The following EPC2 variants were observed in gnomAD, a reference collection of about 807,000 sequenced individuals.
The protein encoded by EPC2 is enhancer of polycomb homolog 2.
A neutral mutation model predicts 92.1 loss-of-function variants in EPC2; 14 were observed. The ratio of observed to expected loss-of-function variants is 0.15; its 90% CI spans 0.10 to 0.24. EPC2 has a LOEUF of 0.24. Ranked by LOEUF, EPC2 falls within the 10% of genes least tolerant of loss-of-function variation. The pLI, the probability that EPC2 is intolerant of heterozygous loss-of-function variation, is 1.00. For synonymous variants in EPC2, 340 were observed against 334.7 expected (o/e 1.02, Z -0.17); for missense variants, 755 against 971.5 (o/e 0.78, Z 2.96).
In EPC2 at chr2:148,771,060, A is replaced by T. The variant is rs751048807; in HGVS notation, c.1393A>T (p.Ile465Leu). The T allele has an allele frequency of 7.5e-6, 12 of 1,606,174 alleles. No individual in the cohort carries two copies. In the Admixed American group the frequency reaches 1.0e-4, roughly 14 times the overall value. ...GRGGRVIMDR[I>L]STEHDPVLKQ... ...GCTTTTCAGGGTCATAATGGACCGA[A>T]TATCCACAGAACATGACCCAGTCCT... is the stretch of plus-strand genomic sequence containing the variant. Residue 465 changes from isoleucine (I) to leucine (L), a missense_variant, in exon 10 of 14, where the codon ATA becomes TTA. Physicochemically the swap from Ile to Leu is conservative, Grantham distance 5 (BLOSUM62 2). Around this residue, in one of 4 missense-constraint regions of EPC2, gnomAD observed 509 missense variants for 607.7 expected, o/e 0.84. Transcript: ENST00000258484.
chr2:148,679,201 C>A (rs1484247871), intron 1 of EPC2, among the ~76,000 whole-genome samples: 1 of 152,104 alleles, frequency 6.6e-6, no homozygotes, highest in Non-Finnish European at 1.5e-5. Context: ...TTCTTATTTA[C>A]CCATATCTGT....
chr2:148,725,946 A>C (rs755994494), intron 2 of EPC2, among the ~76,000 whole-genome samples: 4 of 152,178 alleles, frequency 2.6e-5, no homozygotes, highest in Non-Finnish European at 5.9e-5. Context: ...TAAACTATGT[A>C]TACCCATTGA....
rs903574517 is a variant in EPC2 at position 148,711,051 on chromosome 2, G to T, written c.313+20678G>T. On this transcript the variant is annotated intron_variant, in intron 2 of 13. Coordinates refer to ENST00000258484, the MANE Select transcript of EPC2 (RefSeq NM_015630.4). ...GATCTTTTTAAATAATCAGCTTTTG[G>T]TGTTATTGTTTTTTTCTATTGATTT... 3.4e-4 allele frequency among the ~76,000 whole-genome samples: 51 copies of T among 151,720 alleles called. 1 individual carries two copies. The highest frequency in any genetic ancestry group is 6.2e-4 in the Non-Finnish European group (42 of 67,922).
chr2:148,661,083 T>C (rs1170275131), intron 1 of EPC2, among the ~76,000 whole-genome samples: 1 of 152,140 alleles, frequency 6.6e-6, no homozygotes, highest in Non-Finnish European at 1.5e-5. Context: ...TTTATCATTG[T>C]TTTGTCTAAC....
intron 2 of EPC2, among the ~76,000 whole-genome samples, chr2:148,690,687 C>G (rs1433057963): frequency 4.0e-5 from 6 of 150,884 alleles, no homozygotes; most frequent in African/African-American, 1.5e-4. Flanking sequence ...TTCTTTGAGA[C>G]AGAGTCTCTC....
chr2:148,745,214 C>A (rs1682962645), intron 3 of EPC2, among the ~76,000 whole-genome samples: 1 of 151,964 alleles, frequency 6.6e-6, no homozygotes, highest in Non-Finnish European at 1.5e-5. Flanking sequence ...GGTAAAGTTT[C>A]AGTTTTTCTT....
rs559949986 is a variant in EPC2 at position 148,735,851 on chromosome 2, T to TA, written c.314-7770dup. Among the ~76,000 whole-genome samples the TA allele has an allele frequency of 5.7e-3, 860 of 152,066 alleles. 14 individuals are homozygous for TA. Among genetic ancestry groups the TA allele is most frequent in the South Asian group, 0.051 (247 of 4,828 alleles). On this transcript the variant is annotated intron_variant, in intron 2 of 13. Coordinates refer to ENST00000258484, the MANE Select transcript of EPC2 (RefSeq NM_015630.4). ...GTCTTATAAGTGATCTCATTTATCT[T>TA]ACTTTTTTTTAACAGCTGATACTTT... is the stretch of plus-strand genomic sequence containing the variant.
intron 2 of EPC2, among the ~76,000 whole-genome samples, chr2:148,704,801 A>T (rs1233525598): frequency 6.6e-6 from 1 of 152,258 alleles, no homozygotes; most frequent in East Asian, 1.9e-4. Context: ...AGCTTTGCAT[A>T]TTGTGGCCAC....
At chr2:148,694,115 G>T (rs762281672) in intron 2 of EPC2, among the ~76,000 whole-genome samples, 4 of 152,114 alleles carry the variant, frequency 2.6e-5, no homozygotes, top group Admixed American at 6.5e-5. Flanking sequence ...TGGCATTTTC[G>T]AGCCATCAGT....
intron 2 of EPC2, among the ~76,000 whole-genome samples, chr2:148,707,658 A>G (rs1346630107): frequency 6.6e-6 from 1 of 152,232 alleles, no homozygotes; most frequent in Non-Finnish European, 1.5e-5. Flanking sequence ...CTCTCACACC[A>G]CAGTGCAATC....
intron 2 of EPC2, among the ~76,000 whole-genome samples, chr2:148,714,867 C>A (rs1224034510): frequency 6.6e-6 from 1 of 152,104 alleles, no homozygotes; most frequent in East Asian, 1.9e-4. Flanking sequence ...TGTCTGTTTA[C>A]TCTGATGAGA....
At chr2:148,725,906 G>T (rs940899593) in intron 2 of EPC2, among the ~76,000 whole-genome samples, 1 of 151,930 alleles carries the variant, frequency 6.6e-6, no homozygotes, top group African/African-American at 2.4e-5. Context: ...TGTACAACAG[G>T]TCTCTAAAAC....
At chr2:148,782,113 C>T (rs986154805) in intron 11 of EPC2, among the ~76,000 whole-genome samples, 4 of 152,140 alleles carry the variant, frequency 2.6e-5, no homozygotes, top group African/African-American at 9.7e-5. Flanking sequence ...ATAAAACTTT[C>T]CTAACCACTT....
chr2:148,785,260 A>G (rs535970048), intron 13 of EPC2, among the ~76,000 whole-genome samples: 2 of 152,226 alleles, frequency 1.3e-5, no homozygotes, highest in East Asian at 3.9e-4. Context: ...AAGGAAAAGA[A>G]AGAAAAGGAC....
intron 2 of EPC2, among the ~76,000 whole-genome samples, chr2:148,724,042 A>G (rs1302128700): frequency 6.6e-6 from 1 of 152,014 alleles, no homozygotes. Context: ...AATAACTTAG[A>G]TGTTATTTTG....
At chr2:148,762,533 A>G (rs1489428539) in intron 5 of EPC2, 137 bp from the exon 6 acceptor site, 1 of 665,622 alleles carries the variant, frequency 1.5e-6, no homozygotes, top group Non-Finnish European at 2.3e-6. Context: ...TATTCCTGCA[A>G]ATTTTATCTT....
At chr2:148,658,234 C>CA (rs2105353392) in intron 1 of EPC2, among the ~76,000 whole-genome samples, 1 of 152,204 alleles carries the variant, frequency 6.6e-6, no homozygotes, top group African/African-American at 2.4e-5. Flanking sequence ...GCTTATGTTA[C>CA]ACATGTATTT....
chr2:148,715,872 A>G (rs1268620631), intron 2 of EPC2, among the ~76,000 whole-genome samples: 4 of 152,228 alleles, frequency 2.6e-5, no homozygotes, highest in Admixed American at 6.5e-5. Flanking sequence ...ATGTTTTTCC[A>G]TTTATTTGTG....
At chr2:148,766,459 C>T (rs1490232265) in intron 7 of EPC2, among the ~76,000 whole-genome samples, 1 of 152,112 alleles carries the variant, frequency 6.6e-6, no homozygotes, top group Non-Finnish European at 1.5e-5. Flanking sequence ...TTCAGGAGCA[C>T]TTAATGAACC....
Sources: gnomAD v4.1 joint callset for allele counts (sites outside exome capture counted in the v4.1 genomes callset) on GRCh38, gnomAD v4.1.1 for gene constraint, gnomAD v4.1.1 regional missense constraint, MANE v1.5 for transcripts, NCBI Gene and HGNC (gene_info 2026-07-23, HGNC 2026-07-21) for gene names.